WASHC5: variants seen among roughly 807,000 people sequenced by gnomAD.
WASHC5 encodes WASH complex subunit strumpellin.
A neutral mutation model predicts 150.4 loss-of-function variants in WASHC5; 101 were observed. That is an observed-to-expected ratio of 0.67 (90% CI 0.57 to 0.79). The LOEUF (loss-of-function observed/expected upper bound fraction) is 0.79. WASHC5 is among the 30% of genes least tolerant of loss of function. The pLI is 0.00. For synonymous variants in WASHC5, 467 were observed against 491.2 expected, an observed-to-expected ratio of 0.95 and a Z score of 0.65; for missense variants, 1,195 against 1,396.3, an observed-to-expected ratio of 0.86 and a Z score of 2.30.
chr8:125,032,102 T>G (rs185226545), intron 27 of WASHC5, 139 bp downstream of exon 27: 1 of 951,366 alleles, frequency 1.1e-6, no homozygotes, highest in East Asian at 2.4e-5. Context: ...CAAGGAGGTA[T>G]GCCCTGACTT....
chr8:125,059,830 C>T (rs1269590128), intron 12 of WASHC5, among the ~76,000 whole-genome samples: 1 of 152,124 alleles, frequency 6.6e-6, no homozygotes, highest in Non-Finnish European at 1.5e-5. Flanking sequence ...AATGATTCTA[C>T]AATGTCTTGA....
chr8:125,048,885 A>G (rs1262457098), intron 19 of WASHC5, 121 bp downstream of exon 19: 2 of 786,752 alleles, frequency 2.5e-6, no homozygotes, highest in Non-Finnish European at 4.0e-6. Context: ...TCCTGAAAGT[A>G]CTCTGAAGGT....
intron 26 of WASHC5, 100 bp from the exon 27 acceptor site, chr8:125,032,494 T>G: frequency 7.7e-7 from 1 of 1,296,158 alleles, no homozygotes; most frequent in Non-Finnish European, 1.1e-6. Flanking sequence ...GGGCCCATAT[T>G]CTCGCTGGCA....
chr8:125,081,725 C>T lies in WASHC5; in HGVS notation c.454G>A (p.Val152Ile). 6.2e-7 allele frequency: 1 copy of T among 1,612,538 alleles called. No individual in the cohort carries two copies. The highest frequency in any genetic ancestry group is 1.1e-5 in the South Asian group (1 of 91,050). The change falls in exon 5 of 29, where the codon GTC (valine) becomes ATC (isoleucine). Residue 152 changes from valine (V) to isoleucine (I), a missense_variant. Physicochemically the swap from Val to Ile is conservative, Grantham distance 29. Transcript: ENST00000318410. Reference protein sequence around the residue: ...ALYLYGVMLLVIDQKIEGEVR... With the variant: ...ALYLYGVMLLIIDQKIEGEVR... ...TCTCCTTCAATCTTTTGGTCAATGA[C>T]CAGTAGCATAACTCCATATAAGTAC... is the stretch of plus-strand genomic sequence containing the variant.
intron 17 of WASHC5, among the ~76,000 whole-genome samples, chr8:125,052,738 T>C: frequency 6.6e-6 from 1 of 152,118 alleles, no homozygotes; most frequent in East Asian, 1.9e-4. Flanking sequence ...CAATCCACAG[T>C]ACGAATGCAC....
intron 1 of WASHC5, among the ~76,000 whole-genome samples, chr8:125,084,429 T>C (rs1311039093): frequency 6.6e-6 from 1 of 152,226 alleles, no homozygotes; most frequent in African/African-American, 2.4e-5. Context: ...TTGAGGCATT[T>C]GTCCAATTAT....
In WASHC5 at chr8:125,083,794, A is replaced by G; in HGVS notation, c.105T>C (p.Phe35=). Residue 35 remains phenylalanine, a synonymous_variant, in exon 2 of 29, where the codon TTT becomes TTC. Coordinates refer to ENST00000318410, the MANE Select transcript of WASHC5 (RefSeq NM_014846.4). Reference sequence around the variant, plus strand: ...CTTTTAACCTGAACACAGCAGGAATAAACTCAGAGAGTCTCAAAAGTTCAG... The same window carrying G: ...CTTTTAACCTGAACACAGCAGGAATGAACTCAGAGAGTCTCAAAAGTTCAG... The part of the protein sequence containing the change: ...IIAELLRLSE[F]IPAVFRLKDR... 2 of 1,613,962 alleles carry G rather than the reference A, an allele frequency of 1.2e-6. No individual in the cohort carries two copies. The highest frequency in any genetic ancestry group is 1.7e-6 in the Non-Finnish European group (2 of 1,179,814).
intron 28 of WASHC5, among the ~76,000 whole-genome samples, chr8:125,025,833 GACACACAC>G (rs34050035): frequency 6.8e-6 from 1 of 148,034 alleles, no homozygotes; most frequent in Non-Finnish European, 1.5e-5. Flanking sequence ...TATGCAGACA[GACACACAC>G]ACACACACAC....
At chr8:125,065,673 A>C (rs1356170115) in intron 10 of WASHC5, among the ~76,000 whole-genome samples, 2 of 147,250 alleles carry the variant, frequency 1.4e-5, no homozygotes, top group Non-Finnish European at 3.0e-5. Flanking sequence ...GCTGGAGTGC[A>C]GTGGCATGAT....
rs146954392 is a variant in WASHC5 at position 125,059,894 on chromosome 8, G to A, written c.1522-352C>T. 2.0e-5 allele frequency among the ~76,000 whole-genome samples: 3 copies of A among 152,176 alleles called. No individual in the cohort carries two copies. In the East Asian group the frequency reaches 5.8e-4, roughly 29 times the overall value. On this transcript the variant is annotated intron_variant, in intron 12 of 28. Coordinates refer to ENST00000318410, the MANE Select transcript of WASHC5 (RefSeq NM_014846.4). ...TGGGTTATATGACAAAATAAATAAG[G>A]CAAATGATAAAAAGCATTTGAGATT... is the stretch of plus-strand genomic sequence containing the variant.
chr8:125,069,924 T>A (rs1816852853), intron 9 of WASHC5, among the ~76,000 whole-genome samples: 1 of 152,202 alleles, frequency 6.6e-6, no homozygotes, highest in African/African-American at 2.4e-5. Flanking sequence ...ATAGGGAATG[T>A]TTAAGTACCC....
intron 6 of WASHC5, among the ~76,000 whole-genome samples, chr8:125,078,509 C>T (rs1226064278): frequency 6.6e-6 from 1 of 152,206 alleles, no homozygotes; most frequent in Admixed American, 6.5e-5. Context: ...TAAAAGAATG[C>T]ATCTTCTTCC....
At chr8:125,070,941 G>A (rs187833567) in intron 9 of WASHC5, among the ~76,000 whole-genome samples, 3 of 152,304 alleles carry the variant, frequency 2.0e-5, no homozygotes, top group African/African-American at 7.2e-5. Flanking sequence ...GGAAGCAGAC[G>A]GTAGCTAGAA....
chr8:125,039,822 AG>A lies in WASHC5; in HGVS notation c.2926del (p.Leu976TrpfsTer13). 1 of 1,613,718 alleles carries A rather than the reference AG, an allele frequency of 6.2e-7. No individual in the cohort carries two copies. The highest frequency in any genetic ancestry group is 8.5e-7 in the Non-Finnish European group (1 of 1,179,618). ...NYSCRFDSKH[L>X]AAALENLNKA... ...ATTGAGATTCTCCAGAGCAGCTGCC[AG>A]ATGTTTAGAATCAAACCGACAAGAA... On this transcript the variant is annotated frameshift_variant, in exon 24 of 29. Transcript: ENST00000318410. LOFTEE classifies it high-confidence loss of function.
intron 28 of WASHC5, 31 bp from the exon 29 acceptor site, chr8:125,024,704 G>A (rs747329114): frequency 1.3e-5 from 19 of 1,462,380 alleles, no homozygotes; most frequent in Non-Finnish European, 1.6e-5. Flanking sequence ...ATTATTCATG[G>A]TGTTATAGTT....
intron 17 of WASHC5, among the ~76,000 whole-genome samples, chr8:125,052,717 T>C (rs1816281613): frequency 1.3e-5 from 2 of 152,050 alleles, no homozygotes; most frequent in Admixed American, 1.3e-4. Flanking sequence ...TCTTTTTGAA[T>C]CGCTCTAGAC....
At chr8:125,086,002 C>G (rs1280135917) in intron 1 of WASHC5, among the ~76,000 whole-genome samples, 1 of 152,114 alleles carries the variant, frequency 6.6e-6, no homozygotes, top group Non-Finnish European at 1.5e-5. Context: ...AATGTGGTAA[C>G]TGGTTGCCAA....
rs1359967955 is a variant in WASHC5, at chr8:125,083,699, T to C, written c.186+14A>G. On this transcript the variant is annotated intron_variant, in intron 2 of 28. Transcript: ENST00000318410. ...AGAAAAGACAACAATAAAAATGCTA[T>C]AGAGGAAGATTACCTTAAAATAGCT... The C allele has an allele frequency of 5.0e-6, 8 of 1,585,980 alleles. No homozygotes were observed. In the East Asian group the frequency reaches 6.7e-5, roughly 13 times the overall value.
chr8:125,090,585 G>A (rs1361249380), intron 1 of WASHC5, among the ~76,000 whole-genome samples: 1 of 152,002 alleles, frequency 6.6e-6, no homozygotes, highest in African/African-American at 2.4e-5. Flanking sequence ...TAATAATTTG[G>A]CGTGGAACTG....
Sources: allele counts gnomAD v4.1 joint callset (sites outside exome capture counted in the v4.1 genomes callset), GRCh38; gene constraint gnomAD v4.1.1; transcripts MANE v1.5; gene names NCBI Gene and HGNC (gene_info 2026-07-23, HGNC 2026-07-21).